The following GRM7 variants were observed in gnomAD, a reference collection of about 807,000 sequenced individuals.
The protein encoded by GRM7 is glutamate metabotropic receptor 7.
Under a neutral mutation model 84.5 loss-of-function variants are expected in GRM7, and 35 were observed. The observed-to-expected ratio is 0.41, with a 90% CI of 0.32 to 0.55. The LOEUF (loss-of-function observed/expected upper bound fraction) is 0.55, where lower values mean the gene tolerates loss of function less well. GRM7 is among the 20% of genes least tolerant of loss of function. The pLI is 0.19. For missense variants in GRM7, 1,003 were observed against 1,194.6 expected, an observed-to-expected ratio of 0.84 and a Z score of 2.36; for synonymous variants, 487 against 455.1, an observed-to-expected ratio of 1.07 and a Z score of -0.89.
At chr3:7,101,525 T>G (rs1311628100) in intron 1 of GRM7, among the ~76,000 whole-genome samples, 1 of 151,608 alleles carries the variant, frequency 6.6e-6, no homozygotes, top group African/African-American at 2.4e-5. Context: ...TATTTTGTAC[T>G]CAGTTCATTT....
chr3:6,907,166 A>G (rs910453328), intron 1 of GRM7, among the ~76,000 whole-genome samples: 2 of 152,146 alleles, frequency 1.3e-5, no homozygotes, highest in East Asian at 1.9e-4. Context: ...CAGCCTTTCA[A>G]TGTGCTAGAA....
chr3:7,064,053 TTTAC>T (rs1697531096), intron 1 of GRM7, among the ~76,000 whole-genome samples: 1 of 151,626 alleles, frequency 6.6e-6, no homozygotes, highest in East Asian at 1.9e-4. Flanking sequence ...TATTTATTTA[TTTAC>T]TTATTTTACT....
intron 1 of GRM7, among the ~76,000 whole-genome samples, chr3:6,987,843 A>T (rs77599595): frequency 2.6e-3 from 391 of 152,256 alleles, no homozygotes; most frequent in African/African-American, 8.4e-3. Context: ...GGGAAATCTG[A>T]CAGTGGTCTA....
intron 8 of GRM7, among the ~76,000 whole-genome samples, chr3:7,621,928 G>C (rs142232859): frequency 6.6e-6 from 1 of 152,114 alleles, no homozygotes; most frequent in African/African-American, 2.4e-5. Flanking sequence ...ATGAAGATGG[G>C]ATTGTTAAAT....
At chr3:7,594,069 A>C (rs1307675333) in intron 8 of GRM7, among the ~76,000 whole-genome samples, 1 of 152,194 alleles carries the variant, frequency 6.6e-6, no homozygotes, top group East Asian at 1.9e-4. Flanking sequence ...AGGAAGTAAG[A>C]AAATCTTACA....
At chr3:7,045,726 A>T (rs1309207627) in intron 1 of GRM7, among the ~76,000 whole-genome samples, 1 of 152,072 alleles carries the variant, frequency 6.6e-6, no homozygotes, top group African/African-American at 2.4e-5. Context: ...CTCCATTTTT[A>T]AGGTTGAATA....
At chr3:7,540,975 T>C (rs1029365902) in intron 7 of GRM7, among the ~76,000 whole-genome samples, 2 of 152,188 alleles carry the variant, frequency 1.3e-5, no homozygotes, top group Admixed American at 6.5e-5. Context: ...TATAGATTAT[T>C]CAATATGTTA....
At chr3:7,430,315 C>G (rs1303383593) in intron 5 of GRM7, among the ~76,000 whole-genome samples, 1 of 152,122 alleles carries the variant, frequency 6.6e-6, no homozygotes, top group Non-Finnish European at 1.5e-5. Flanking sequence ...TGTTCAGCTT[C>G]TAAGATGTTT....
intron 6 of GRM7, among the ~76,000 whole-genome samples, chr3:7,460,845 A>G (rs1381741226): frequency 2.0e-5 from 3 of 152,368 alleles, no homozygotes; most frequent in African/African-American, 7.2e-5. Flanking sequence ...ACAGATAGAT[A>G]CAGATATAGA....
At chr3:7,696,960 G>A (rs1459272849) in intron 9 of GRM7, among the ~76,000 whole-genome samples, 1 of 152,146 alleles carries the variant, frequency 6.6e-6, no homozygotes, top group African/African-American at 2.4e-5. Context: ...TTCCAGGCCA[G>A]TTCTATCAAT....
intron 4 of GRM7, among the ~76,000 whole-genome samples, chr3:7,350,735 G>C (rs1355665890): frequency 6.6e-6 from 1 of 151,974 alleles, no homozygotes; most frequent in Non-Finnish European, 1.5e-5. Flanking sequence ...GTGAAACTTG[G>C]TAATACTGCA....
intron 2 of GRM7, among the ~76,000 whole-genome samples, chr3:7,176,083 G>T (rs918235435): frequency 6.6e-6 from 1 of 151,860 alleles, no homozygotes; most frequent in Admixed American, 6.6e-5. Flanking sequence ...GTGTGATATA[G>T]AACCTTAAAG....
intron 7 of GRM7, among the ~76,000 whole-genome samples, chr3:7,507,120 G>A (rs566217065): frequency 8.5e-5 from 13 of 152,288 alleles, no homozygotes; most frequent in Middle Eastern, 3.4e-3. Context: ...ATGCTTTTCA[G>A]ATAGGGATAT....
intron 1 of GRM7, among the ~76,000 whole-genome samples, chr3:7,099,198 GTAT>G (rs1698964534): frequency 6.8e-6 from 1 of 147,248 alleles, no homozygotes; most frequent in Non-Finnish European, 1.5e-5. Flanking sequence ...ATATATATAC[GTAT>G]TATTATATTG....
intron 9 of GRM7, among the ~76,000 whole-genome samples, chr3:7,695,652 G>C (rs776260640): frequency 1.3e-4 from 20 of 152,094 alleles, no homozygotes; most frequent in Non-Finnish European, 2.5e-4. Context: ...ATCCAACTTT[G>C]TCGTTCTCCA....
At position 7,163,037 on chromosome 3, in the gene GRM7, G is replaced by A. The variant is rs989737891; in HGVS notation, c.736+16369G>A. Among the ~76,000 whole-genome samples the A allele has an allele frequency of 9.9e-5, 15 of 152,062 alleles. No homozygotes were observed. The East Asian group carries it at 2.1e-3, about 22-fold the overall frequency. ...GGCCTCTCAAAGTGCTGGGATTACA[G>A]GTGTGAGCCACCATGCCCAGCCTAC... is the stretch of plus-strand genomic sequence containing the variant. On this transcript the variant is annotated intron_variant, in intron 2 of 9. Coordinates refer to ENST00000357716, the MANE Select transcript of GRM7 (RefSeq NM_000844.4).
intron 2 of GRM7, among the ~76,000 whole-genome samples, chr3:7,184,906 C>T (rs191029627): frequency 4.6e-5 from 7 of 151,926 alleles, no homozygotes; most frequent in Non-Finnish European, 1.5e-5. Context: ...TAATAATGAT[C>T]AGAAGAAAAA....
intron 1 of GRM7, among the ~76,000 whole-genome samples, chr3:6,893,373 T>C (rs1057086244): frequency 2.0e-5 from 3 of 152,222 alleles, no homozygotes; most frequent in African/African-American, 7.2e-5. Flanking sequence ...TCTTGGCATA[T>C]ATTGCGTTAC....
chr3:7,257,913 G>T (rs531528076), intron 2 of GRM7, among the ~76,000 whole-genome samples: 18 of 152,184 alleles, frequency 1.2e-4, no homozygotes, highest in African/African-American at 4.1e-4. Flanking sequence ...AAATTGCAGG[G>T]AATATTTTCC....
Sources: allele counts gnomAD v4.1 joint callset (sites outside exome capture counted in the v4.1 genomes callset), GRCh38; gene constraint gnomAD v4.1.1; transcripts MANE v1.5; gene names NCBI Gene and HGNC (gene_info 2026-07-23, HGNC 2026-07-21).